SLC35F3: variants seen among roughly 807,000 people sequenced by gnomAD.
The protein encoded by SLC35F3 is putative thiamine transporter SLC35F3.
SLC35F3 carries 25 observed loss-of-function variants against 49.9 expected under a neutral mutation model. The observed-to-expected ratio is 0.50, with a 90% CI of 0.37 to 0.70. SLC35F3 has a LOEUF of 0.70. SLC35F3 is among the 30% of genes least tolerant of loss of function. The probability of loss-of-function intolerance (pLI) is 0.00; values close to 1 mark genes in which losing one functional copy is unlikely to be tolerated. For missense variants in SLC35F3, 525 were observed against 639.8 expected (o/e 0.82, Z 1.94); for synonymous variants, 275 against 265.4 (o/e 1.04, Z -0.35).
At chr1:234,171,790 T>C (rs1004309433) in intron 2 of SLC35F3, among the ~76,000 whole-genome samples, 6 of 152,278 alleles carry the variant, frequency 3.9e-5, no homozygotes, top group Admixed American at 2.6e-4. Flanking sequence ...AAGAATAATA[T>C]ATAGTTGCAA....
chr1:233,963,558 C>T (rs1662842630), intron 2 of SLC35F3, among the ~76,000 whole-genome samples: 1 of 152,118 alleles, frequency 6.6e-6, no homozygotes, highest in Non-Finnish European at 1.5e-5. Flanking sequence ...ACCTCGGCCT[C>T]CCAAAGTGCT....
chr1:234,222,592 G>A (rs1336780736), intron 2 of SLC35F3, among the ~76,000 whole-genome samples: 4 of 152,104 alleles, frequency 2.6e-5, no homozygotes, highest in Non-Finnish European at 5.9e-5. Context: ...GAGTCTGGTG[G>A]GCTGGCCACT....
intron 2 of SLC35F3, among the ~76,000 whole-genome samples, chr1:234,110,839 A>G (rs557647986): frequency 4.0e-4 from 61 of 152,346 alleles, no homozygotes; most frequent in Non-Finnish European, 6.9e-4. Flanking sequence ...ATCTTTTGCT[A>G]TAAAATGACA....
intron 2 of SLC35F3, among the ~76,000 whole-genome samples, chr1:233,946,486 CA>C (rs1402417920): frequency 1.3e-5 from 2 of 152,182 alleles, no homozygotes; most frequent in East Asian, 3.8e-4. Flanking sequence ...TGAACAGTTG[CA>C]AATTATCCCA....
Position 233,940,440 on chromosome 1 carries a change from A to G in SLC35F3, c.283+34682A>G, listed in dbSNP as rs79023590. The stretch of plus-strand genomic sequence containing the variant: ...AGTGGTTCTGCAGCACCTGCTTGCC[A>G]TTCTGCTCCATCTGCTCTTTCCTTA... On this transcript the variant is annotated intron_variant, in intron 2 of 7. Coordinates refer to ENST00000366618, the MANE Select transcript of SLC35F3 (RefSeq NM_173508.4). Among the ~76,000 whole-genome samples the G allele has an allele frequency of 8.4e-3, 1,280 of 152,112 alleles. 15 individuals carry two copies. The highest frequency in any genetic ancestry group is 0.029 in the African/African-American group (1,192 of 41,506).
At chr1:234,207,572 T>A (rs1300109238) in intron 2 of SLC35F3, among the ~76,000 whole-genome samples, 1 of 150,998 alleles carries the variant, frequency 6.6e-6, no homozygotes, top group East Asian at 2.0e-4. Flanking sequence ...TACCCCAAAT[T>A]TTAAAGGCTA....
chr1:234,289,002 G>A (rs1326678936), intron 3 of SLC35F3, among the ~76,000 whole-genome samples: 3 of 152,142 alleles, frequency 2.0e-5, no homozygotes, highest in East Asian at 3.9e-4. Flanking sequence ...AGAATAATAA[G>A]CATCACACTC....
At chr1:233,975,829 A>G (rs956180487) in intron 2 of SLC35F3, among the ~76,000 whole-genome samples, 3 of 152,174 alleles carry the variant, frequency 2.0e-5, no homozygotes, top group Admixed American at 6.5e-5. Flanking sequence ...GTGGAACTGG[A>G]CAGCCCTTAG....
chr1:234,090,104 G>A (rs975668388), intron 2 of SLC35F3, among the ~76,000 whole-genome samples: 3 of 152,268 alleles, frequency 2.0e-5, no homozygotes, highest in Non-Finnish European at 4.4e-5. Context: ...ATTTGGCAAT[G>A]TGCTGTCAAT....
chr1:234,122,720 G>A (rs992442913), intron 2 of SLC35F3, among the ~76,000 whole-genome samples: 4 of 152,082 alleles, frequency 2.6e-5, no homozygotes, highest in Non-Finnish European at 5.9e-5. Context: ...GTGGTGTTTG[G>A]TTTTCTGTTC....
At chr1:234,093,338 T>C (rs1665070867) in intron 2 of SLC35F3, among the ~76,000 whole-genome samples, 1 of 152,220 alleles carries the variant, frequency 6.6e-6, no homozygotes, top group South Asian at 2.1e-4. Context: ...TCTGATAAGA[T>C]AAAAACACTC....
At chr1:234,123,614 C>T (rs909449426) in intron 2 of SLC35F3, among the ~76,000 whole-genome samples, 14 of 147,454 alleles carry the variant, frequency 9.5e-5, no homozygotes, top group Non-Finnish European at 1.8e-4. Context: ...GACAGGGTTT[C>T]GCTATGTTGC....
At chr1:234,172,530 T>A (rs1666414251) in intron 2 of SLC35F3, among the ~76,000 whole-genome samples, 1 of 152,194 alleles carries the variant, frequency 6.6e-6, no homozygotes, top group African/African-American at 2.4e-5. Flanking sequence ...CCGAATTGTT[T>A]AAGTATTTAT....
intron 2 of SLC35F3, among the ~76,000 whole-genome samples, chr1:234,058,669 T>A (rs1456494212): frequency 6.6e-6 from 1 of 152,204 alleles, no homozygotes; most frequent in East Asian, 1.9e-4. Context: ...GGTATTATTT[T>A]ATCGAGAATT....
intron 2 of SLC35F3, among the ~76,000 whole-genome samples, chr1:234,119,788 A>C (rs1665546006): frequency 6.6e-6 from 1 of 152,232 alleles, no homozygotes; most frequent in Non-Finnish European, 1.5e-5. Context: ...GAGAAGCTGA[A>C]AATAGCATAG....
chr1:233,946,095 A>G (rs1419971208), intron 2 of SLC35F3, among the ~76,000 whole-genome samples: 1 of 152,188 alleles, frequency 6.6e-6, no homozygotes, highest in Non-Finnish European at 1.5e-5. Flanking sequence ...TTAATAGTTG[A>G]AGTAAGAAAT....
chr1:234,164,205 A>G lies in SLC35F3; in HGVS notation c.284-67212A>G, dbSNP rs113407940. On this transcript the variant is annotated intron_variant, in intron 2 of 7. Transcript: ENST00000366618. The stretch of plus-strand genomic sequence containing the variant: ...CTTGCTTTTCTCTTTCTCCTTTTCT[A>G]TTTCTATCTATTTCTTTATCTTTTT... 8.2e-3 allele frequency among the ~76,000 whole-genome samples: 1,161 copies of G among 141,702 alleles called. 21 individuals are homozygous for G. The highest frequency in any genetic ancestry group is 0.028 in the African/African-American group (1,050 of 37,824). 93.0% of individuals were successfully genotyped at this position (141,702 alleles called of 152,430 possible). A position where few individuals can be genotyped will look rare whatever the true frequency, so the allele number is the denominator to read the frequency against.
intron 2 of SLC35F3, among the ~76,000 whole-genome samples, chr1:234,090,020 G>A (rs1293965354): frequency 1.3e-5 from 2 of 152,196 alleles, no homozygotes. Flanking sequence ...AAAGGTAGAG[G>A]GCTATCAAAT....
intron 4 of SLC35F3, among the ~76,000 whole-genome samples, chr1:234,315,258 A>C (rs533823546): frequency 6.6e-4 from 100 of 152,348 alleles, no homozygotes; most frequent in African/African-American, 2.4e-3. Context: ...ATAGCGTATA[A>C]GGTATAACCT....
Sources: gnomAD v4.1 joint callset for allele counts (sites outside exome capture counted in the v4.1 genomes callset) on GRCh38, gnomAD v4.1.1 for gene constraint, MANE v1.5 for transcripts, NCBI Gene and HGNC (gene_info 2026-07-23, HGNC 2026-07-21) for gene names.